The following PCNT variants were observed in gnomAD, a reference collection of about 807,000 sequenced individuals.
PCNT encodes the protein kendrin.
In PCNT, 319 loss-of-function variants were observed where a neutral mutation model predicts 380.4. The ratio of observed to expected loss-of-function variants is 0.84; its 90% CI spans 0.77 to 0.92. The LOEUF is 0.92. PCNT is among the 40% of genes least tolerant of loss of function. The probability of loss-of-function intolerance (pLI) is 0.00; values close to 1 mark genes in which losing one functional copy is unlikely to be tolerated. For synonymous variants in PCNT, 1,845 were observed against 1,735.2 expected (o/e 1.06, Z -1.57); for missense variants, 4,400 against 4,255.3 (o/e 1.03, Z -0.95).
At chr21:46,386,841 G>A (rs1052258274) in intron 17 of PCNT, among the ~76,000 whole-genome samples, 2 of 152,300 alleles carry the variant, frequency 1.3e-5, no homozygotes, top group South Asian at 2.1e-4. Context: ...GTTGCCAAAC[G>A]CAGCCTCCCC....
At chr21:46,387,096 T>G in intron 17 of PCNT, among the ~76,000 whole-genome samples, 1 of 152,194 alleles carries the variant, frequency 6.6e-6, no homozygotes, top group Non-Finnish European at 1.5e-5. Flanking sequence ...AGCTCTGAAC[T>G]GGTTTGGCTC....
At chr21:46,418,054 T>C (rs2087102497) in intron 30 of PCNT, 150 bp from the exon 31 acceptor site, 1 of 644,856 alleles carries the variant, frequency 1.6e-6, no homozygotes, top group Non-Finnish European at 2.8e-6. Flanking sequence ...GTTGGAAGCA[T>C]TCGACCTGTG....
At chr21:46,396,353 C>G (rs926579637) in intron 21 of PCNT, among the ~76,000 whole-genome samples, 2 of 152,226 alleles carry the variant, frequency 1.3e-5, no homozygotes, top group African/African-American at 4.8e-5. Flanking sequence ...ATCTCTGCTT[C>G]TAAGGCAGAG....
At chr21:46,344,143 C>G (rs1010222036) in intron 3 of PCNT, among the ~76,000 whole-genome samples, 3 of 151,620 alleles carry the variant, frequency 2.0e-5, no homozygotes, top group South Asian at 4.2e-4. Context: ...CTGTTCACTG[C>G]AAGCTCTGCC....
Position 46,388,038 on chromosome 21 carries a change from A to G in PCNT, c.3465-704A>G, listed in dbSNP as rs1165713966. The stretch of plus-strand genomic sequence containing the variant: ...ATCCTGGCTAACATGGTGAAACCCC[A>G]TCTCTACTAAAAATACAAAAAATTA... On this transcript the variant is annotated intron_variant, in intron 17 of 46. Transcript: ENST00000359568. The surrounding 1 kb of genome is among the most constrained non-coding windows in gnomAD (Gnocchi z 4.2). Among the ~76,000 whole-genome samples, 3 of 151,942 alleles carry G rather than the reference A, an allele frequency of 2.0e-5. No individual in the cohort carries two copies. The highest frequency in any genetic ancestry group is 2.9e-5 in the Non-Finnish European group (2 of 67,964).
rs1230499041 is a variant in PCNT at position 46,359,482 on chromosome 21, TTTTTTTTTG to T, written c.2154+2300_2154+2308del. Among the ~76,000 whole-genome samples the T allele has an allele frequency of 1.8e-4, 14 of 78,760 alleles. 1 individual carries two copies. The highest frequency in any genetic ancestry group is 7.0e-4 in the East Asian group (2 of 2,864). 51.7% of individuals were successfully genotyped at this position (78,760 alleles called of 152,430 possible). A position where few individuals can be genotyped will look rare whatever the true frequency, so the allele number is the denominator to read the frequency against. On this transcript the variant is annotated intron_variant, in intron 13 of 46. Coordinates refer to ENST00000359568, the MANE Select transcript of PCNT (RefSeq NM_006031.6). ...GTATTCTGTCCAAAAATACACCTGT[TTTTTTTTTG>T]TTTTTTTTTTTTTTTTGAGACAGTG...
rs553021015 is a variant in PCNT, at chr21:46,354,204, C to G, written c.1761+136C>G. On this transcript the variant is annotated intron_variant, in intron 11 of 46. Coordinates refer to ENST00000359568, the MANE Select transcript of PCNT (RefSeq NM_006031.6). ...GAGGAAGGCTGCTTGCGGATGCTGC[C>G]CCGACCTCACTGCTGCTCCGCGGTG... is the stretch of plus-strand genomic sequence containing the variant. 20 of 785,080 alleles carry G rather than the reference C, an allele frequency of 2.5e-5. No homozygotes were observed. In the Admixed American group the frequency reaches 3.4e-4, roughly 13 times the overall value. 48.6% of individuals were successfully genotyped at this position (785,080 alleles called of 1,614,324 possible).
intron 15 of PCNT, among the ~76,000 whole-genome samples, chr21:46,374,350 T>C (rs1051467473): frequency 6.6e-6 from 1 of 152,164 alleles, no homozygotes; most frequent in Non-Finnish European, 1.5e-5. Context: ...GATCCCTGCA[T>C]TTCATCACAA....
chr21:46,409,885 C>T (rs2086730848), intron 27 of PCNT, among the ~76,000 whole-genome samples: 1 of 152,224 alleles, frequency 6.6e-6, no homozygotes, highest in Non-Finnish European at 1.5e-5. Flanking sequence ...TGAGCCACCG[C>T]GCCCGGCCTC....
chr21:46,388,670 CT>C lies in PCNT; in HGVS notation c.3465-71del, dbSNP rs1232429571. On this transcript the variant is annotated intron_variant, in intron 17 of 46. Coordinates refer to ENST00000359568, the MANE Select transcript of PCNT (RefSeq NM_006031.6). The surrounding 1 kb of genome is among the most constrained non-coding windows in gnomAD (Gnocchi z 4.2). Reference sequence around the variant, plus strand: ...AGGTGTGCAAACTGGTGGGCGGCCCCTCAGCAGCATCCAGGGTGGGGGTTCT... The same window carrying C: ...AGGTGTGCAAACTGGTGGGCGGCCCCCAGCAGCATCCAGGGTGGGGGTTCT... 6.3e-7 allele frequency: 1 copy of C among 1,595,364 alleles called. No individual in the cohort carries two copies. Among genetic ancestry groups the C allele is most frequent in the East Asian group, 2.2e-5 (1 of 44,770 alleles).
chr21:46,428,898 T>C (rs1285833589), intron 35 of PCNT, among the ~76,000 whole-genome samples: 1 of 151,824 alleles, frequency 6.6e-6, no homozygotes, highest in Non-Finnish European at 1.5e-5. Flanking sequence ...CGTAGGTTTC[T>C]ACATTTAATT....
chr21:46,416,852 T>G lies in PCNT; in HGVS notation c.6921+13T>G, dbSNP rs776515078. On this transcript the variant is annotated intron_variant, in intron 30 of 46. Coordinates refer to ENST00000359568, the MANE Select transcript of PCNT (RefSeq NM_006031.6). Reference sequence around the variant, plus strand: ...GAGGACGGCTGTGGTAGGTGCCTGCTCTGCTCCCAGGCCTGCTGTTCCCGT... The same window carrying G: ...GAGGACGGCTGTGGTAGGTGCCTGCGCTGCTCCCAGGCCTGCTGTTCCCGT... 35 of 1,596,774 alleles carry G rather than the reference T, an allele frequency of 2.2e-5. No individual in the cohort carries two copies. Among genetic ancestry groups the G allele is most frequent in the Middle Eastern group, 2.0e-4 (1 of 5,092 alleles).
rs143671774 is a variant in PCNT, at chr21:46,412,914, C to G, written c.6072C>G (p.Thr2024=). 6.2e-7 allele frequency: 1 copy of G among 1,612,614 alleles called. No individual in the cohort carries two copies. Among genetic ancestry groups the G allele is most frequent in the Admixed American group, 1.7e-5 (1 of 60,016 alleles). The change falls in exon 29 of 47, where the codon ACC becomes ACG. Residue 2024 remains threonine (T), a synonymous_variant. Coordinates refer to ENST00000359568, the MANE Select transcript of PCNT (RefSeq NM_006031.6). ...CKQEGVMSVL[T]VCQRQLQSEL... is the part of the protein sequence containing the mutation. ...AAGAAGGCGTGATGTCAGTGCTCAC[C>G]GTCTGCCAGAGGCAGCTGCAGTCGG... is the stretch of plus-strand genomic sequence containing the variant.
chr21:46,416,117 G>A lies in PCNT; in HGVS notation c.6199G>A (p.Val2067Ile), dbSNP rs1490776963. 3.1e-6 allele frequency: 5 copies of A among 1,614,034 alleles called. No individual in the cohort carries two copies. Among genetic ancestry groups the A allele is most frequent in the Admixed American group, 1.7e-5 (1 of 60,008 alleles). Residue 2067 changes from valine to isoleucine, a missense_variant, in exon 30 of 47, where the codon GTA (valine) becomes ATA (isoleucine). By Grantham distance (29) the Val-to-Ile change is conservative. Coordinates refer to ENST00000359568, the MANE Select transcript of PCNT (RefSeq NM_006031.6). ...EDCQLPKVDL[V>I]AQVKQLQEKL... ...TTGTCAGCTGCCGAAGGTCGATCTC[G>A]TAGCTCAGGTGAAACAGCTTCAGGA...
chr21:46,357,317 T>C lies in PCNT; in HGVS notation c.2154+126T>C, dbSNP rs2084514293. The C allele has an allele frequency of 5.3e-6, 4 of 754,872 alleles. No individual in the cohort carries two copies. The East Asian group carries it at 9.9e-5, about 19-fold the overall frequency. The allele number at this position is 754,872 out of a possible 1,614,324, so 46.8% of individuals were successfully genotyped here. On this transcript the variant is annotated intron_variant, in intron 13 of 46. Coordinates refer to ENST00000359568, the MANE Select transcript of PCNT (RefSeq NM_006031.6). Reference sequence around the variant, plus strand: ...AGCCCAGTGCTGTACATGGCACATTTGTAAGGGCGACAGTCCCGTAAATTC... The same window carrying C: ...AGCCCAGTGCTGTACATGGCACATTCGTAAGGGCGACAGTCCCGTAAATTC...
In PCNT at chr21:46,389,327, C is replaced by T. The variant is rs2085953064; in HGVS notation, c.3736C>T (p.Pro1246Ser). 1.2e-6 allele frequency: 2 copies of T among 1,614,108 alleles called. No homozygotes were observed. Among genetic ancestry groups the T allele is most frequent in the East Asian group, 2.2e-5 (1 of 44,892 alleles). Residue 1246 changes from proline (P) to serine (S), a missense_variant, in exon 19 of 47, where the codon CCA becomes TCA. Coordinates refer to ENST00000359568, the MANE Select transcript of PCNT (RefSeq NM_006031.6). ...CATGCGTGAAAGCTTTCTCATGAGC[C>T]CAGAAAGTGTGCGGGAGTGTGAGCA... ...SHMRESFLMS[P>S]ESVRECEQPI...
intron 4 of PCNT, 141 bp downstream of exon 4, chr21:46,346,349 C>A: frequency 2.6e-6 from 2 of 755,476 alleles, no homozygotes; most frequent in Admixed American, 2.2e-5. Flanking sequence ...GTGTGTGGGG[C>A]CATCAGCAGG....
At chr21:46,393,522 AGCCGGCGCTGGGCCACACCCC>A (rs2086106130) in intron 21 of PCNT, among the ~76,000 whole-genome samples, 1 of 151,944 alleles carries the variant, frequency 6.6e-6, no homozygotes, top group South Asian at 2.1e-4. Context: ...GCGCCCAGCC[AGCCGGCGCTGGGCCACACCCC>A]GCCGGGGGAG....
chr21:46,347,566 C>T, intron 6 of PCNT, 54 bp downstream of exon 6: 1 of 1,548,506 alleles, frequency 6.5e-7, no homozygotes, highest in Non-Finnish European at 8.9e-7. Context: ...TTTTTCCTTT[C>T]TCGCCAGGTC....
Sources: gnomAD v4.1 joint callset for allele counts (sites outside exome capture counted in the v4.1 genomes callset) on GRCh38, gnomAD v4.1.1 for gene constraint, Gnocchi (gnomAD v3.1) non-coding constraint, MANE v1.5 for transcripts, NCBI Gene and HGNC (gene_info 2026-07-23, HGNC 2026-07-21) for gene names.